EXT2: variants seen among roughly 807,000 people sequenced by gnomAD.
The protein encoded by EXT2 is exostosin glycosyltransferase 2.
A neutral mutation model predicts 81.6 loss-of-function variants in EXT2; 53 were observed. The observed-to-expected ratio is 0.65, with a 90% CI of 0.52 to 0.82. EXT2 has a LOEUF of 0.82. Among genes scored for constraint, EXT2 ranks in the 40% least tolerant of loss-of-function variants. The pLI is 0.00. For missense variants in EXT2, 774 were observed against 910.2 expected (o/e 0.85, Z 1.93); for synonymous variants, 320 against 340.0 (o/e 0.94, Z 0.65).
At chr11:44,164,949 G>T (rs1471514803) in intron 7 of EXT2, among the ~76,000 whole-genome samples, 1 of 150,510 alleles carries the variant, frequency 6.6e-6, no homozygotes, top group Non-Finnish European at 1.5e-5. Context: ...CGGGATCTCG[G>T]CTCACTGCAA....
chr11:44,126,991 G>A (rs1438792416), intron 6 of EXT2, 36 bp downstream of exon 6: 2 of 1,612,736 alleles, frequency 1.2e-6, no homozygotes, highest in East Asian at 2.2e-5. Context: ...TACATTAGTG[G>A]TTCTGCGTAT....
At chr11:44,192,060 A>G (rs1479025184) in intron 8 of EXT2, among the ~76,000 whole-genome samples, 1 of 152,260 alleles carries the variant, frequency 6.6e-6, no homozygotes, top group African/African-American at 2.4e-5. Flanking sequence ...GCTTTTCACA[A>G]TAGAGCTCTA....
In EXT2 at chr11:44,244,496, TTTC is replaced by T. The variant is rs1314944774; in HGVS notation, c.*212_*214del. The T allele has an allele frequency of 3.5e-6, 2 of 577,268 alleles. No individual in the cohort carries two copies. Among genetic ancestry groups the T allele is most frequent in the African/African-American group, 3.7e-5 (2 of 53,566 alleles). The allele number at this position is 577,268 out of a possible 1,614,324, so 35.8% of individuals were successfully genotyped here. On this transcript the variant is annotated 3_prime_UTR_variant, in exon 14 of 14. Coordinates refer to ENST00000533608, the MANE Select transcript of EXT2 (RefSeq NM_207122.2). Reference sequence around the variant, plus strand: ...GAGCTATGCAACCTCTGTTCTTGTATTTCTTATGATCTCTGATGGGTTCTTCTC... The same window carrying T: ...GAGCTATGCAACCTCTGTTCTTGTATTTATGATCTCTGATGGGTTCTTCTC...
chr11:44,125,061 T>C, intron 5 of EXT2, 77 bp downstream of exon 5: 1 of 1,452,380 alleles, frequency 6.9e-7, no homozygotes. Context: ...CCAGCGAACC[T>C]GAGTTGTTTT....
chr11:44,194,677 T>G (rs763358932), intron 8 of EXT2, among the ~76,000 whole-genome samples: 2 of 152,232 alleles, frequency 1.3e-5, no homozygotes, highest in Non-Finnish European at 2.9e-5. Flanking sequence ...TGGGGGTTGT[T>G]GTGAATATCT....
At chr11:44,223,809 C>T in intron 10 of EXT2, among the ~76,000 whole-genome samples, 1 of 152,138 alleles carries the variant, frequency 6.6e-6, no homozygotes, top group East Asian at 1.9e-4. Flanking sequence ...CGCCACTAGG[C>T]CCGGCTAATT....
intron 10 of EXT2, among the ~76,000 whole-genome samples, chr11:44,219,367 A>C (rs1236948684): frequency 1.3e-5 from 2 of 151,998 alleles, no homozygotes; most frequent in Non-Finnish European, 2.9e-5. Flanking sequence ...AAAAAAAATT[A>C]ACCAAGTGTG....
At chr11:44,160,082 C>G (rs1031812738) in intron 7 of EXT2, among the ~76,000 whole-genome samples, 3 of 152,212 alleles carry the variant, frequency 2.0e-5, no homozygotes, top group African/African-American at 7.2e-5. Context: ...GGGTTGTTCT[C>G]TAGTATTCTC....
chr11:44,251,251 A>G lies in EXT2; in HGVS notation c.*6964A>G, dbSNP rs1205957113. Among the ~76,000 whole-genome samples, 1 of 152,118 alleles carries G rather than the reference A, an allele frequency of 6.6e-6. No homozygotes were observed. The highest frequency in any genetic ancestry group is 1.5e-5 in the Non-Finnish European group (1 of 68,032). ...GTACCCTGGCCCTTCTTTGGAAGTC[A>G]TAATGATGAATATCCATTAATAAGA... On this transcript the variant is annotated 3_prime_UTR_variant, in exon 14 of 14. Coordinates refer to ENST00000533608, the MANE Select transcript of EXT2 (RefSeq NM_207122.2).
intron 13 of EXT2, among the ~76,000 whole-genome samples, chr11:44,236,829 G>A (rs1472044868): frequency 6.6e-6 from 1 of 152,188 alleles, no homozygotes; most frequent in Non-Finnish European, 1.5e-5. Context: ...AGGATCGAAA[G>A]CAAAGCCCTC....
At chr11:44,234,372 G>T (rs919223850) in intron 12 of EXT2, 129 bp downstream of exon 12, 11 of 912,710 alleles carry the variant, frequency 1.2e-5, no homozygotes, top group South Asian at 5.9e-5. Flanking sequence ...TTAGTTTAAG[G>T]TTCTATGATT....
chr11:44,112,470 C>G (rs1954158800), intron 3 of EXT2, among the ~76,000 whole-genome samples: 1 of 152,146 alleles, frequency 6.6e-6, no homozygotes, highest in African/African-American at 2.4e-5. Flanking sequence ...ATGTGCTGTT[C>G]AGAAATTCAC....
At chr11:44,175,899 T>C (rs533317121) in intron 8 of EXT2, among the ~76,000 whole-genome samples, 1 of 152,212 alleles carries the variant, frequency 6.6e-6, no homozygotes, top group South Asian at 2.1e-4. Flanking sequence ...TTGTTTCTCA[T>C]CTGTAAAGTG....
intron 1 of EXT2, among the ~76,000 whole-genome samples, chr11:44,099,942 G>A (rs992214543): frequency 6.6e-6 from 1 of 152,160 alleles, no homozygotes; most frequent in African/African-American, 2.4e-5. Context: ...ATGTGTGGGA[G>A]TTCGCTTAGC....
chr11:44,215,317 G>A (rs1955704755), intron 10 of EXT2, among the ~76,000 whole-genome samples: 1 of 152,022 alleles, frequency 6.6e-6, no homozygotes, highest in Admixed American at 6.6e-5. Flanking sequence ...TTGTCTTTAA[G>A]CTCAAAATAT....
chr11:44,126,514 G>A (rs184475758), intron 5 of EXT2, among the ~76,000 whole-genome samples: 27 of 152,330 alleles, frequency 1.8e-4, no homozygotes, highest in Non-Finnish European at 3.2e-4. Context: ...CCCATTTGCA[G>A]GAAGTCACGT....
chr11:44,166,896 G>A (rs1354825856), intron 7 of EXT2, among the ~76,000 whole-genome samples: 2 of 152,136 alleles, frequency 1.3e-5, no homozygotes, highest in Non-Finnish European at 2.9e-5. Context: ...ATTGGACCAG[G>A]AAAGAATAGC....
chr11:44,125,447 G>T (rs1302189406), intron 5 of EXT2, among the ~76,000 whole-genome samples: 1 of 152,098 alleles, frequency 6.6e-6, no homozygotes, highest in Admixed American at 6.5e-5. Context: ...GCTATTTGGA[G>T]TTCTTGCCAC....
In EXT2 at chr11:44,249,802, G is replaced by A. The variant is rs1477680010; in HGVS notation, c.*5515G>A. Among the ~76,000 whole-genome samples, 1 of 152,172 alleles carries A rather than the reference G, an allele frequency of 6.6e-6. No individual in the cohort carries two copies. Among genetic ancestry groups the A allele is most frequent in the East Asian group, 1.9e-4 (1 of 5,188 alleles). On this transcript the variant is annotated 3_prime_UTR_variant, in exon 14 of 14. Coordinates refer to ENST00000533608, the MANE Select transcript of EXT2 (RefSeq NM_207122.2). ...AATGTAGTCTTTGGCTGGGCATGGT[G>A]GCTCATGCCTGTAATCCCAGCATTT...
Sources: gnomAD v4.1 joint callset for allele counts (sites outside exome capture counted in the v4.1 genomes callset) on GRCh38, gnomAD v4.1.1 for gene constraint, MANE v1.5 for transcripts, NCBI Gene and HGNC (gene_info 2026-07-23, HGNC 2026-07-21) for gene names.